Variants in CERT1 observed in about 807,000 individuals in gnomAD.
CERT1 encodes the protein ceramide transporter 1.
CERT1 carries 31 observed loss-of-function variants against 87.9 expected under a neutral mutation model. That is an observed-to-expected ratio of 0.35 (90% CI 0.27 to 0.48). The LOEUF (loss-of-function observed/expected upper bound fraction) is 0.48. Ranked by LOEUF, CERT1 falls within the 20% of genes least tolerant of loss-of-function variation. CERT1 has a pLI of 0.99. For missense variants in CERT1, 487 were observed against 758.0 expected, an observed-to-expected ratio of 0.64 and a Z score of 4.20; for synonymous variants, 289 against 250.9, an observed-to-expected ratio of 1.15 and a Z score of -1.44.
At position 75,400,309 on chromosome 5, in the gene CERT1, TATA is replaced by T. The variant is rs1561234920; in HGVS notation, c.1018-15_1018-13del. ...TTTTCACTCTGTGACTAAAAAAACA[TATA>T]ATATTAAGATGGGAAGGTTTTAAAG... On this transcript the variant is annotated splice_polypyrimidine_tract_variant and intron_variant, in intron 9 of 16. Transcript: ENST00000643780. 6.3e-7 allele frequency: 1 copy of T among 1,585,470 alleles called. No homozygotes were observed. Among genetic ancestry groups the T allele is most frequent in the Non-Finnish European group, 8.7e-7 (1 of 1,155,398 alleles).
intron 3 of CERT1, among the ~76,000 whole-genome samples, chr5:75,427,944 A>G (rs1184491522): frequency 6.6e-6 from 1 of 152,204 alleles, no homozygotes; most frequent in African/African-American, 2.4e-5. Flanking sequence ...TATGGTTACA[A>G]TGAAAAATTA....
At chr5:75,392,171 A>G (rs1343234389) in intron 11 of CERT1, among the ~76,000 whole-genome samples, 39 of 152,262 alleles carry the variant, frequency 2.6e-4, no homozygotes, top group Admixed American at 2.6e-3. Context: ...GTTAAAAAAT[A>G]TATAGATAGC....
chr5:75,445,550 C>A (rs111626029), intron 3 of CERT1, among the ~76,000 whole-genome samples: 1 of 152,150 alleles, frequency 6.6e-6, no homozygotes, highest in African/African-American at 2.4e-5. Flanking sequence ...AACTTAAACT[C>A]CTGGGCTCAA....
chr5:75,488,442 C>A (rs1330769882), intron 2 of CERT1, among the ~76,000 whole-genome samples: 1 of 151,934 alleles, frequency 6.6e-6, no homozygotes, highest in Non-Finnish European at 1.5e-5. Flanking sequence ...TTATATAGAA[C>A]TTGCAAATTT....
chr5:75,388,843 T>C (rs1308160695), intron 12 of CERT1, among the ~76,000 whole-genome samples: 1 of 151,874 alleles, frequency 6.6e-6, no homozygotes, highest in Non-Finnish European at 1.5e-5. Flanking sequence ...CAGGTTTGAC[T>C]TGAACTCCTG....
intron 2 of CERT1, among the ~76,000 whole-genome samples, chr5:75,499,712 T>C (rs1767254637): frequency 1.3e-5 from 2 of 152,310 alleles, no homozygotes; most frequent in Admixed American, 1.3e-4. Flanking sequence ...AGAGTTGCTT[T>C]ATAAATATTT....
intron 8 of CERT1, among the ~76,000 whole-genome samples, chr5:75,406,882 T>C (rs1404400936): frequency 6.6e-6 from 1 of 152,150 alleles, no homozygotes; most frequent in Non-Finnish European, 1.5e-5. Flanking sequence ...TTTAAGATTA[T>C]AAAGTAATTT....
At chr5:75,476,008 G>T (rs2112370925) in intron 2 of CERT1, among the ~76,000 whole-genome samples, 1 of 152,200 alleles carries the variant, frequency 6.6e-6, no homozygotes, top group South Asian at 2.1e-4. Flanking sequence ...TCAGTTATAT[G>T]CTTTAAAAAA....
At chr5:75,507,351 T>C (rs777105121) in intron 1 of CERT1, among the ~76,000 whole-genome samples, 1 of 152,146 alleles carries the variant, frequency 6.6e-6, no homozygotes, top group Non-Finnish European at 1.5e-5. Flanking sequence ...GCTCAAGCGA[T>C]CTGTCTTCCT....
intron 1 of CERT1, among the ~76,000 whole-genome samples, chr5:75,510,533 T>A (rs1216510958): frequency 6.6e-6 from 1 of 152,168 alleles, no homozygotes; most frequent in African/African-American, 2.4e-5. Flanking sequence ...CCTGTACCCA[T>A]CATGTGCCGA....
chr5:75,390,330 T>C (rs1270992363), intron 11 of CERT1, among the ~76,000 whole-genome samples: 2 of 152,238 alleles, frequency 1.3e-5, no homozygotes, highest in East Asian at 3.8e-4. Context: ...CTTTATTTAT[T>C]TGATTCCAAT....
At chr5:75,417,367 T>C (rs1763174778) in intron 6 of CERT1, among the ~76,000 whole-genome samples, 1 of 152,132 alleles carries the variant, frequency 6.6e-6, no homozygotes, top group African/African-American at 2.4e-5. Context: ...TGGCAAGAAC[T>C]ACCTTATTAT....
At chr5:75,474,220 T>A (rs749376466) in intron 2 of CERT1, among the ~76,000 whole-genome samples, 1 of 152,188 alleles carries the variant, frequency 6.6e-6, no homozygotes, top group Non-Finnish European at 1.5e-5. Context: ...ACCCCCTGCT[T>A]GCTCAAATCA....
chr5:75,463,964 G>C (rs1765346759), intron 2 of CERT1, among the ~76,000 whole-genome samples: 1 of 152,104 alleles, frequency 6.6e-6, no homozygotes, highest in African/African-American at 2.4e-5. Flanking sequence ...TAAGTTTTCA[G>C]TTCTTTGATA....
chr5:75,460,516 A>T (rs1765180555), intron 2 of CERT1, among the ~76,000 whole-genome samples: 1 of 152,148 alleles, frequency 6.6e-6, no homozygotes, highest in South Asian at 2.1e-4. Context: ...CCTTGTTTTT[A>T]ATCTCAATAA....
intron 8 of CERT1, among the ~76,000 whole-genome samples, chr5:75,404,738 G>GT (rs1244078345): frequency 6.6e-6 from 1 of 152,136 alleles, no homozygotes; most frequent in Non-Finnish European, 1.5e-5. Flanking sequence ...GCCAAGTATG[G>GT]TGGCTCATGC....
At chr5:75,458,927 T>C (rs1483424893) in intron 3 of CERT1, 138 bp downstream of exon 3, 7 of 589,722 alleles carry the variant, frequency 1.2e-5, no homozygotes, top group Admixed American at 5.3e-5. Flanking sequence ...AATTTACATA[T>C]GAACTGCTTT....
At chr5:75,477,074 T>C (rs1479653435) in intron 2 of CERT1, among the ~76,000 whole-genome samples, 2 of 152,184 alleles carry the variant, frequency 1.3e-5, no homozygotes, top group East Asian at 3.8e-4. Flanking sequence ...ATGATAATCA[T>C]ATGCAAAGTA....
At chr5:75,460,645 A>G (rs1318106993) in intron 2 of CERT1, among the ~76,000 whole-genome samples, 2 of 152,244 alleles carry the variant, frequency 1.3e-5, no homozygotes, top group Non-Finnish European at 2.9e-5. Flanking sequence ...AGGGAAAAGA[A>G]TCCGCTCTGG....
Sources: allele counts gnomAD v4.1 joint callset (sites outside exome capture counted in the v4.1 genomes callset), GRCh38; gene constraint gnomAD v4.1.1; transcripts MANE v1.5; gene names NCBI Gene and HGNC (gene_info 2026-07-23, HGNC 2026-07-21).